SLC16A12: variants seen among roughly 807,000 people sequenced by gnomAD.
SLC16A12 encodes solute carrier family 16 member 12.
In SLC16A12, 17 loss-of-function variants were observed where a neutral mutation model predicts 42.4. The ratio of observed to expected loss-of-function variants is 0.40; its 90% CI spans 0.27 to 0.60. The LOEUF (loss-of-function observed/expected upper bound fraction) is 0.60, where lower values mean the gene tolerates loss of function less well. Among genes scored for constraint, SLC16A12 ranks in the 20% least tolerant of loss-of-function variants. The probability of loss-of-function intolerance (pLI) is 0.42; values close to 1 mark genes in which losing one functional copy is unlikely to be tolerated. For synonymous variants in SLC16A12, 224 were observed against 229.4 expected (o/e 0.98, Z 0.21); for missense variants, 544 against 623.0 (o/e 0.87, Z 1.35).
intron 2 of SLC16A12, among the ~76,000 whole-genome samples, chr10:89,507,202 C>G (rs992123068): frequency 1.4e-4 from 21 of 152,208 alleles, no homozygotes; most frequent in African/African-American, 4.3e-4. Flanking sequence ...GGCCAACATT[C>G]AAATTCAGGA....
rs1331953742 is a variant in SLC16A12 at position 89,449,546 on chromosome 10, G to T, written c.201-5687C>A. Among the ~76,000 whole-genome samples the T allele has an allele frequency of 2.0e-5, 3 of 152,132 alleles. No individual in the cohort carries two copies. In the East Asian group the frequency reaches 5.8e-4, roughly 29 times the overall value. On this transcript the variant is annotated intron_variant, in intron 3 of 7. Coordinates refer to ENST00000371790, the MANE Select transcript of SLC16A12 (RefSeq NM_213606.4). ...TTAATAAATGGTACTGGGAAAACTG[G>T]CTAGCCATATGTAGAAAGCTGAAAC...
At chr10:89,463,713 A>AG (rs1309440353) in intron 2 of SLC16A12, among the ~76,000 whole-genome samples, 2 of 152,236 alleles carry the variant, frequency 1.3e-5, no homozygotes, top group Non-Finnish European at 2.9e-5. Flanking sequence ...GGGGAAAAAA[A>AG]CATTAGCAAT....
intron 2 of SLC16A12, chr10:89,467,882 G>A (rs1464009428): frequency 6.6e-6 from 1 of 152,176 alleles, no homozygotes; most frequent in African/African-American, 2.4e-5. Flanking sequence ...CATTGAAAAT[G>A]AGGTGATTAT....
chr10:89,476,944 G>A (rs1842590019), intron 2 of SLC16A12, among the ~76,000 whole-genome samples: 1 of 152,200 alleles, frequency 6.6e-6, no homozygotes, highest in Non-Finnish European at 1.5e-5. Flanking sequence ...GTTTATTTTT[G>A]TGTTCTGTAG....
chr10:89,498,121 G>A (rs1360769820), intron 2 of SLC16A12, among the ~76,000 whole-genome samples: 1 of 152,108 alleles, frequency 6.6e-6, no homozygotes, highest in East Asian at 1.9e-4. Flanking sequence ...GGGCAACATG[G>A]CGAAACCCAA....
At chr10:89,452,851 C>T (rs1208860352) in intron 3 of SLC16A12, among the ~76,000 whole-genome samples, 3 of 152,210 alleles carry the variant, frequency 2.0e-5, no homozygotes, top group African/African-American at 7.2e-5. Flanking sequence ...GATGCACGTC[C>T]TCAATCAGCC....
chr10:89,486,243 C>A (rs1176265301), intron 2 of SLC16A12, among the ~76,000 whole-genome samples: 1 of 151,884 alleles, frequency 6.6e-6, no homozygotes, highest in Non-Finnish European at 1.5e-5. Flanking sequence ...TGTAAAAGCC[C>A]CATATGGCTC....
chr10:89,532,495 T>C (rs1263603863), intron 2 of SLC16A12, among the ~76,000 whole-genome samples: 2 of 152,242 alleles, frequency 1.3e-5, no homozygotes, highest in African/African-American at 4.8e-5. Flanking sequence ...ACTGTGTATT[T>C]AGTTTTCATC....
intron 3 of SLC16A12, among the ~76,000 whole-genome samples, chr10:89,446,302 T>C (rs1842000884): frequency 2.6e-5 from 4 of 152,126 alleles, no homozygotes; most frequent in African/African-American, 9.6e-5. Context: ...AGACACATAA[T>C]TATCAGATTC....
intron 2 of SLC16A12, among the ~76,000 whole-genome samples, chr10:89,521,297 G>T (rs777499134): frequency 6.6e-6 from 1 of 152,142 alleles, no homozygotes; most frequent in East Asian, 1.9e-4. Context: ...ACCCCAAAAC[G>T]TGCTACCAAC....
chr10:89,516,609 C>A (rs1843254882), intron 2 of SLC16A12, among the ~76,000 whole-genome samples: 1 of 152,198 alleles, frequency 6.6e-6, no homozygotes, highest in African/African-American at 2.4e-5. Flanking sequence ...AATTTTAGCT[C>A]AGTTCCTAGG....
chr10:89,440,137 GA>G (rs1366309368), intron 5 of SLC16A12, among the ~76,000 whole-genome samples: 2 of 143,162 alleles, frequency 1.4e-5, no homozygotes, highest in Non-Finnish European at 3.0e-5. Flanking sequence ...AAGAAAATCT[GA>G]GGGGCTGTGA....
chr10:89,441,912 G>A (rs999948803), intron 4 of SLC16A12, among the ~76,000 whole-genome samples: 4 of 152,182 alleles, frequency 2.6e-5, no homozygotes, highest in African/African-American at 9.7e-5. Flanking sequence ...AGACCAAAAT[G>A]GAACTGAAGT....
chr10:89,506,558 C>T (rs915180452), intron 2 of SLC16A12, among the ~76,000 whole-genome samples: 1 of 152,132 alleles, frequency 6.6e-6, no homozygotes, highest in African/African-American at 2.4e-5. Flanking sequence ...CACACCAAAA[C>T]CCCATCCATA....
intron 2 of SLC16A12, among the ~76,000 whole-genome samples, chr10:89,555,465 A>ATATATATATGTGTATATATACG (rs1491407189): frequency 0.076 from 10,923 of 143,166 alleles, 599 homozygotes; most frequent in Non-Finnish European, 0.099. Context: ...AGAAAGGATA[A>ATATATATATGTGTATATATACG]TATATATATG....
chr10:89,511,769 A>G (rs1843166059), intron 2 of SLC16A12, among the ~76,000 whole-genome samples: 3 of 152,192 alleles, frequency 2.0e-5, no homozygotes, highest in Admixed American at 2.0e-4. Flanking sequence ...AACAACAATT[A>G]AAAACAGAAT....
At chr10:89,555,561 A>ATATATG (rs1416948468) in intron 2 of SLC16A12, among the ~76,000 whole-genome samples, 1 of 121,810 alleles carries the variant, frequency 8.2e-6, no homozygotes, top group Non-Finnish European at 1.7e-5. Context: ...GTATATATAC[A>ATATATG]TATACGTATA....
In SLC16A12 at chr10:89,462,258, C is replaced by T. The variant is rs1842312914; in HGVS notation, c.200+121G>A. On this transcript the variant is annotated intron_variant, in intron 3 of 7. Transcript: ENST00000371790. ...TACCTGAAGAGTCAACGGAAATACA[C>T]ACACACCACATGAACACACACATAT... is the stretch of plus-strand genomic sequence containing the variant. 2.2e-6 allele frequency: 3 copies of T among 1,384,542 alleles called. No individual in the cohort carries two copies. The South Asian group carries it at 3.8e-5, about 18-fold the overall frequency. The allele number at this position is 1,384,542 out of a possible 1,614,324, so 85.8% of individuals were successfully genotyped here.
intron 7 of SLC16A12, among the ~76,000 whole-genome samples, chr10:89,435,028 C>A (rs557947220): frequency 4.1e-4 from 63 of 152,330 alleles, no homozygotes; most frequent in African/African-American, 1.5e-3. Context: ...GTTACACATG[C>A]AATATGTATT....
Sources: gnomAD v4.1 joint callset for allele counts (sites outside exome capture counted in the v4.1 genomes callset) on GRCh38, gnomAD v4.1.1 for gene constraint, MANE v1.5 for transcripts, NCBI Gene and HGNC (gene_info 2026-07-23, HGNC 2026-07-21) for gene names.